Variants in TYR observed in about 807,000 individuals in gnomAD.
TYR encodes the protein LB24-AB.
A neutral mutation model predicts 51.5 loss-of-function variants in TYR; 58 were observed. The ratio of observed to expected loss-of-function variants is 1.13; its 90% CI spans 0.91 to 1.40. TYR has a LOEUF of 1.40. TYR is among the 40% of genes most tolerant of loss of function. TYR has a pLI of 0.00. For synonymous variants in TYR, 263 were observed against 235.2 expected, an observed-to-expected ratio of 1.12 and a Z score of -1.08; for missense variants, 732 against 647.4, an observed-to-expected ratio of 1.13 and a Z score of -1.42.
chr11:89,194,924 T>C (rs1943495274), intron 2 of TYR, among the ~76,000 whole-genome samples: 1 of 152,204 alleles, frequency 6.6e-6, no homozygotes, highest in African/African-American at 2.4e-5. Flanking sequence ...AAATTAGCCA[T>C]GACTCCAAGG....
intron 2 of TYR, among the ~76,000 whole-genome samples, chr11:89,191,748 AG>A (rs1350623677): frequency 6.6e-6 from 1 of 152,062 alleles, no homozygotes; most frequent in Non-Finnish European, 1.5e-5. Context: ...TAACAAAGTG[AG>A]AGACTCTGAG....
chr11:89,204,108 G>A (rs1943638233), intron 2 of TYR, among the ~76,000 whole-genome samples: 1 of 152,300 alleles, frequency 6.6e-6, no homozygotes, highest in South Asian at 2.1e-4. Context: ...AGTAAAAAGA[G>A]GAATCCTTTC....
At chr11:89,233,823 T>A (rs1944080330) in intron 3 of TYR, among the ~76,000 whole-genome samples, 1 of 141,128 alleles carries the variant, frequency 7.1e-6, no homozygotes, top group Non-Finnish European at 1.5e-5. Flanking sequence ...CAGGCTTTGT[T>A]GTTTCATTTA....
At chr11:89,215,229 T>C (rs952351444) in intron 2 of TYR, among the ~76,000 whole-genome samples, 1 of 152,148 alleles carries the variant, frequency 6.6e-6, no homozygotes, top group African/African-American at 2.4e-5. Flanking sequence ...TACTTATAGC[T>C]GACTTCTCTG....
intron 3 of TYR, among the ~76,000 whole-genome samples, chr11:89,267,574 T>G (rs1944540475): frequency 6.6e-6 from 1 of 151,964 alleles, no homozygotes; most frequent in Non-Finnish European, 1.5e-5. Flanking sequence ...ACATAATATA[T>G]TCTCCTCATT....
At chr11:89,185,181 A>G (rs1238400631) in intron 1 of TYR, among the ~76,000 whole-genome samples, 4 of 152,152 alleles carry the variant, frequency 2.6e-5, no homozygotes, top group African/African-American at 9.7e-5. Flanking sequence ...AGTCTGGCTT[A>G]GTATCCTCAT....
chr11:89,215,056 T>C (rs1216729475), intron 2 of TYR, among the ~76,000 whole-genome samples: 1 of 152,112 alleles, frequency 6.6e-6, no homozygotes, highest in African/African-American at 2.4e-5. Context: ...AATTACTAGA[T>C]AGACAAGGAA....
In TYR at chr11:89,178,747, C is replaced by T; in HGVS notation, c.794C>T (p.Pro265Leu). Reference protein sequence around the residue: ...QHPTNPNLLSPASFFSSWQIV... With the variant: ...QHPTNPNLLSLASFFSSWQIV... ...CCCACAAATCCTAACTTACTCAGCC[C>T]AGCATCATTCTTCTCCTCTTGGCAG... Residue 265 changes from proline (P) to leucine (L), a missense_variant, in exon 1 of 5, where the codon CCA (proline) becomes CTA (leucine). Pro to Leu is a moderately conservative substitution (Grantham distance 98). Transcript: ENST00000263321. The T allele has an allele frequency of 1.9e-6, 3 of 1,614,088 alleles. No homozygotes were observed. Among genetic ancestry groups the T allele is most frequent in the Non-Finnish European group, 2.5e-6 (3 of 1,180,018 alleles).
chr11:89,265,012 T>C (rs1160172901), intron 3 of TYR, among the ~76,000 whole-genome samples: 1 of 152,056 alleles, frequency 6.6e-6, no homozygotes, highest in Non-Finnish European at 1.5e-5. Flanking sequence ...GACAGTTACG[T>C]CAGTTTTGAG....
intron 4 of TYR, chr11:89,294,019 CT>C (rs1305987436): frequency 5.2e-6 from 1 of 191,752 alleles, no homozygotes; most frequent in African/African-American, 2.4e-5. Flanking sequence ...GACTTTCTTT[CT>C]TTTTGTAATT....
At chr11:89,235,198 G>A (rs1944095385) in intron 3 of TYR, among the ~76,000 whole-genome samples, 1 of 152,098 alleles carries the variant, frequency 6.6e-6, no homozygotes, top group African/African-American at 2.4e-5. Context: ...GAGAGGGTGT[G>A]GAGAACACGG....
chr11:89,269,070 A>G (rs746279593), intron 3 of TYR, among the ~76,000 whole-genome samples: 15 of 152,090 alleles, frequency 9.9e-5, no homozygotes, highest in South Asian at 4.1e-4. Context: ...AGAGAGATCA[A>G]TGAGGATAGG....
Position 89,182,563 on chromosome 11 carries a change from A to G in TYR, c.819+3791A>G, listed in dbSNP as rs77501051. On this transcript the variant is annotated intron_variant, in intron 1 of 4. Transcript: ENST00000263321. ...TGTGATTTAAATGAAGTTAATATTT[A>G]TTGGTCAGAGTTTTCTGTTAAATAT... 6.7e-3 allele frequency among the ~76,000 whole-genome samples: 1,022 copies of G among 152,316 alleles called. 9 individuals carry two copies. The highest frequency in any genetic ancestry group is 0.024 in the African/African-American group (989 of 41,582).
chr11:89,202,460 C>T (rs942473485), intron 2 of TYR, among the ~76,000 whole-genome samples: 37 of 151,922 alleles, frequency 2.4e-4, no homozygotes, highest in Admixed American at 5.9e-4. Flanking sequence ...GTTTCCCAAA[C>T]GTGATCTAAT....
intron 1 of TYR, among the ~76,000 whole-genome samples, chr11:89,179,973 C>A (rs1006109808): frequency 9.2e-5 from 14 of 152,270 alleles, no homozygotes; most frequent in Admixed American, 6.5e-4. Flanking sequence ...ATCTTGCACT[C>A]AATTTCCCAC....
At chr11:89,189,824 A>G (rs1187475873) in intron 1 of TYR, among the ~76,000 whole-genome samples, 1 of 152,104 alleles carries the variant, frequency 6.6e-6, no homozygotes, top group African/African-American at 2.4e-5. Context: ...TTTAACTTTT[A>G]TGGCTCATTC....
Position 89,295,415 on chromosome 11 carries a change from T to A in TYR, c.*49T>A. 3.9e-6 allele frequency: 6 copies of A among 1,542,800 alleles called. No homozygotes were observed. The highest frequency in any genetic ancestry group is 5.3e-6 in the Non-Finnish European group (6 of 1,128,904). On this transcript the variant is annotated 3_prime_UTR_variant, in exon 5 of 5. Coordinates refer to ENST00000263321, the MANE Select transcript of TYR (RefSeq NM_000372.5). ...CCAAAAAGCCTGACCTCACTCTAACTCAAAGTAATGTCCAGGTTCCCAGAG... is the reference window on the plus strand; with the variant it reads ...CCAAAAAGCCTGACCTCACTCTAACACAAAGTAATGTCCAGGTTCCCAGAG...
rs1234336308 is a variant in TYR at position 89,295,101 on chromosome 11, T to G, written c.1367-42T>G. The G allele has an allele frequency of 1.9e-6, 3 of 1,608,050 alleles. No individual in the cohort carries two copies. The East Asian group carries it at 6.7e-5, about 36-fold the overall frequency. The stretch of plus-strand genomic sequence containing the variant: ...ATGAAGATGATGGTGATCGTAACAA[T>G]GGTGGTAACAATAAAAACAATGGGA... On this transcript the variant is annotated intron_variant, in intron 4 of 4. Coordinates refer to ENST00000263321, the MANE Select transcript of TYR (RefSeq NM_000372.5).
chr11:89,262,121 C>A (rs1944463570), intron 3 of TYR, among the ~76,000 whole-genome samples: 1 of 151,910 alleles, frequency 6.6e-6, no homozygotes. Context: ...TGCAACGGCA[C>A]CATCTCAGCT....
Sources: gnomAD v4.1 joint callset for allele counts (sites outside exome capture counted in the v4.1 genomes callset) on GRCh38, gnomAD v4.1.1 for gene constraint, MANE v1.5 for transcripts, NCBI Gene and HGNC (gene_info 2026-07-23, HGNC 2026-07-21) for gene names.